Variants in TAX1BP1 observed in about 807,000 individuals in gnomAD.
TAX1BP1 encodes tax1-binding protein 1.
TAX1BP1 carries 62 observed loss-of-function variants against 97.7 expected under a neutral mutation model. That is an observed-to-expected ratio of 0.63 (90% CI 0.52 to 0.78). TAX1BP1 has a LOEUF of 0.78. Ranked by LOEUF, TAX1BP1 falls within the 30% of genes least tolerant of loss-of-function variation. TAX1BP1 has a pLI of 0.00. For synonymous variants in TAX1BP1, 340 were observed against 304.2 expected (o/e 1.12, Z -1.23); for missense variants, 867 against 916.1 (o/e 0.95, Z 0.69).
intron 12 of TAX1BP1, among the ~76,000 whole-genome samples, chr7:27,798,429 C>T (rs1296197576): frequency 2.0e-5 from 3 of 151,654 alleles, no homozygotes; most frequent in Non-Finnish European, 2.9e-5. Context: ...TTTGGGAGGC[C>T]GAGGTGGGAG....
At position 27,758,089 on chromosome 7, in the gene TAX1BP1, A is replaced by G. The variant is rs567195430; in HGVS notation, c.221A>G (p.His74Arg). ...YTFLWSPMPE[H>R]YVEGSTVNCV... ...TTTTTATGGTCCCCTATGCCTGAAC[A>G]TTATGTGGAAGGATCAACAGTCAAT... Residue 74 changes from histidine (H) to arginine (R), a missense_variant, in exon 3 of 17, where the codon CAT becomes CGT. Transcript: ENST00000396319. 113 of 1,612,628 alleles carry G rather than the reference A, an allele frequency of 7.0e-5. 1 individual carries two copies. The South Asian group carries it at 1.2e-3, about 17-fold the overall frequency.
At chr7:27,744,371 C>G (rs1435329562) in intron 1 of TAX1BP1, among the ~76,000 whole-genome samples, 1 of 152,128 alleles carries the variant, frequency 6.6e-6, no homozygotes, top group Non-Finnish European at 1.5e-5. Context: ...GTGATCCGCC[C>G]GCCTCGGCCT....
chr7:27,749,766 T>A (rs1787956314), intron 2 of TAX1BP1, among the ~76,000 whole-genome samples: 2 of 152,156 alleles, frequency 1.3e-5, no homozygotes, highest in South Asian at 4.1e-4. Context: ...TTGTAACAAT[T>A]TTATGAAATT....
chr7:27,825,839 G>A (rs1791158295), intron 15 of TAX1BP1, among the ~76,000 whole-genome samples: 1 of 151,998 alleles, frequency 6.6e-6, no homozygotes, highest in African/African-American at 2.4e-5. Flanking sequence ...TACATTTTTG[G>A]CCCCTAGAAA....
In TAX1BP1 at chr7:27,798,323, T is replaced by A. The variant is rs1405609277; in HGVS notation, c.1639-1642T>A. On this transcript the variant is annotated intron_variant, in intron 12 of 16. Transcript: ENST00000396319. ...TTTTTTTTTGTTTCTTTTGGGTAAA[T>A]ATCTAGGGGTGAATTGCCTGGGTGA... is the stretch of plus-strand genomic sequence containing the variant. Among the ~76,000 whole-genome samples, 8 of 152,062 alleles carry A rather than the reference T, an allele frequency of 5.3e-5. No homozygotes were observed. In the East Asian group the frequency reaches 1.5e-3, roughly 29 times the overall value.
intron 11 of TAX1BP1, among the ~76,000 whole-genome samples, chr7:27,795,625 T>A (rs1363151620): frequency 6.6e-6 from 1 of 152,180 alleles, no homozygotes; most frequent in African/African-American, 2.4e-5. Flanking sequence ...TGATCTCAGC[T>A]CCCTGCAGCC....
chr7:27,826,327 C>A (rs1289888420), intron 15 of TAX1BP1, among the ~76,000 whole-genome samples: 9 of 152,180 alleles, frequency 5.9e-5, no homozygotes, highest in Admixed American at 5.9e-4. Flanking sequence ...AAGTATTTTA[C>A]CCCTTCTTTT....
intron 12 of TAX1BP1, among the ~76,000 whole-genome samples, chr7:27,798,870 A>G (rs1790032372): frequency 6.7e-6 from 1 of 148,252 alleles, no homozygotes; most frequent in Non-Finnish European, 1.5e-5. Context: ...TAGTTTAAAT[A>G]TAGGGTTGTT....
chr7:27,828,893 A>C lies in TAX1BP1; in HGVS notation c.*64A>C. The stretch of plus-strand genomic sequence containing the variant: ...AAAAAAAAAAAAAACCACACCTAAA[A>C]TAGACCACTGAGGAGACCATAGAGC... On this transcript the variant is annotated 3_prime_UTR_variant, in exon 17 of 17. Coordinates refer to ENST00000396319, the MANE Select transcript of TAX1BP1 (RefSeq NM_006024.7). 3.8e-6 allele frequency: 5 copies of C among 1,324,040 alleles called. No individual in the cohort carries two copies. Among genetic ancestry groups the C allele is most frequent in the East Asian group, 2.3e-5 (1 of 42,774 alleles). The allele number at this position is 1,324,040 out of a possible 1,614,324, so 82.0% of individuals were successfully genotyped here.
At chr7:27,808,019 T>C (rs1790407602) in intron 13 of TAX1BP1, among the ~76,000 whole-genome samples, 1 of 152,188 alleles carries the variant, frequency 6.6e-6, no homozygotes, top group Non-Finnish European at 1.5e-5. Context: ...TATTACTTTC[T>C]GGTGCAGAAG....
chr7:27,828,825 A>T lies in TAX1BP1; in HGVS notation c.2366A>T (p.Asp789Val). 6.3e-7 allele frequency: 1 copy of T among 1,595,528 alleles called. No homozygotes were observed. Among genetic ancestry groups the T allele is most frequent in the Non-Finnish European group, 8.6e-7 (1 of 1,166,890 alleles). ...TTTGATCAGAATGTTCTAAATTTTG[A>T]CTAGTTACTTTTTATTATGAGTTAA... ...THFDQNVLNF[D>V] The change falls in exon 17 of 17, where the codon GAC becomes GTC. Residue 789 changes from aspartate (D) to valine (V), a missense_variant. Asp to Val is a radical substitution (Grantham distance 152). Around this residue, in one of 3 missense-constraint regions of TAX1BP1, gnomAD observed 34 missense variants for 33.2 expected, o/e 1.02. Transcript: ENST00000396319.
intron 5 of TAX1BP1, among the ~76,000 whole-genome samples, chr7:27,780,987 A>AT: frequency 6.6e-6 from 1 of 152,142 alleles, no homozygotes; most frequent in Non-Finnish European, 1.5e-5. Context: ...ACTACCCTAA[A>AT]TTTTTTTACT....
chr7:27,807,548 G>T (rs1439585248), intron 13 of TAX1BP1, among the ~76,000 whole-genome samples: 1 of 151,986 alleles, frequency 6.6e-6, no homozygotes, highest in African/African-American at 2.4e-5. Flanking sequence ...TATGAATTTT[G>T]CCAGGAATAC....
upstream of TAX1BP1, chr7:27,740,158 A>T (rs1787511723): frequency 6.6e-6 from 1 of 152,366 alleles, no homozygotes; most frequent in African/African-American, 2.4e-5. Context: ...GGGGAGGTGT[A>T]GCCGGTCTTT....
chr7:27,810,830 A>T (rs138225788), intron 13 of TAX1BP1, among the ~76,000 whole-genome samples: 1,841 of 152,176 alleles, frequency 0.012, 12 homozygotes, highest in Admixed American at 0.02. Flanking sequence ...AGCCTGAAAT[A>T]CGTTATTATT....
At chr7:27,796,289 CAATTG>C (rs1247637927) in intron 12 of TAX1BP1, 70 bp downstream of exon 12, 41 of 1,225,192 alleles carry the variant, frequency 3.3e-5, no homozygotes, top group Middle Eastern at 2.6e-4. Context: ...TTTATTGTTT[CAATTG>C]ATTGGTATCT....
At chr7:27,760,832 T>A (rs574903913) in intron 3 of TAX1BP1, among the ~76,000 whole-genome samples, 7 of 152,326 alleles carry the variant, frequency 4.6e-5, no homozygotes, top group African/African-American at 1.4e-4. Flanking sequence ...TTTCCAAACT[T>A]AACTTTAATT....
chr7:27,824,546 T>C (rs1791096770), intron 15 of TAX1BP1, among the ~76,000 whole-genome samples: 1 of 81,414 alleles, frequency 1.2e-5, no homozygotes, highest in African/African-American at 6.1e-5. Context: ...CAAGACCTTG[T>C]CTCAAAAAAA....
chr7:27,741,069 C>T (rs765414117), intron 1 of TAX1BP1, among the ~76,000 whole-genome samples: 19 of 152,216 alleles, frequency 1.2e-4, no homozygotes, highest in Non-Finnish European at 2.8e-4. Flanking sequence ...TGTTAGAAAA[C>T]ACTGGCATTT....
Sources: gnomAD v4.1 joint callset for allele counts (sites outside exome capture counted in the v4.1 genomes callset) on GRCh38, gnomAD v4.1.1 for gene constraint, gnomAD v4.1.1 regional missense constraint, MANE v1.5 for transcripts, NCBI Gene and HGNC (gene_info 2026-07-23, HGNC 2026-07-21) for gene names.